GALNT16: variants seen among roughly 807,000 people sequenced by gnomAD.
GALNT16 encodes the protein polypeptide N-acetylgalactosaminyltransferase 16.
GALNT16 carries 40 observed loss-of-function variants against 76.1 expected under a neutral mutation model. The ratio of observed to expected loss-of-function variants is 0.53; its 90% CI spans 0.41 to 0.68. The LOEUF is 0.68. GALNT16 is among the 30% of genes least tolerant of loss of function. The pLI is 0.00. For missense variants in GALNT16, 621 were observed against 731.9 expected, an observed-to-expected ratio of 0.85 and a Z score of 1.75; for synonymous variants, 276 against 285.2, an observed-to-expected ratio of 0.97 and a Z score of 0.32.
downstream of GALNT16, among the ~76,000 whole-genome samples, chr14:69,360,212 G>A (rs1357872814): frequency 6.6e-6 from 1 of 151,926 alleles, no homozygotes; most frequent in African/African-American, 2.4e-5. Context: ...AATTAGCCAG[G>A]TGTGGTGGTG....
At position 69,261,575 on chromosome 14, in the gene GALNT16, T is replaced by G. The variant is rs1244471804; in HGVS notation, c.177+1108T>G. Among the ~76,000 whole-genome samples, 13 of 110,378 alleles carry G rather than the reference T, an allele frequency of 1.2e-4. No homozygotes were observed. The highest frequency in any genetic ancestry group is 1.0e-3 in the Admixed American group (10 of 9,832). 72.4% of individuals were successfully genotyped at this position (110,378 alleles called of 152,430 possible). On this transcript the variant is annotated intron_variant, in intron 1 of 14. Transcript: ENST00000448469. The surrounding 1 kb of genome is among the most constrained non-coding windows in gnomAD (Gnocchi z 6.4). ...GTGGCGATTCCGACAAGGAAAGATC[T>G]GGGCCTGGGGGTGGAGGGGTGAGGA...
the GALNT16 span, among the ~76,000 whole-genome samples, chr14:69,363,983 C>T: frequency 7.9e-5 from 12 of 152,280 alleles, no homozygotes; most frequent in Admixed American, 2.0e-4. Flanking sequence ...TGTACTTCCC[C>T]GCTTTTACCT....
rs528951825 is a variant in GALNT16 at position 69,284,322 on chromosome 14, C to T, written c.177+23855C>T. On this transcript the variant is annotated intron_variant, in intron 1 of 14. Coordinates refer to ENST00000448469, the MANE Select transcript of GALNT16 (RefSeq NM_001168368.2). ...CAGCAAGGAGAGAGAGATCAATGCA[C>T]CTGTCTCAGGAGCTGCACACAGATA... 4.1e-4 allele frequency among the ~76,000 whole-genome samples: 62 copies of T among 152,212 alleles called. 1 individual carries two copies. Among genetic ancestry groups the T allele is most frequent in the Non-Finnish European group, 8.2e-4 (56 of 68,034 alleles).
Position 69,339,551 on chromosome 14 carries a change from G to A in GALNT16, c.1119G>A (p.Val373=), listed in dbSNP as rs747263328. 1.2e-6 allele frequency: 2 copies of A among 1,612,908 alleles called. No homozygotes were observed. The highest frequency in any genetic ancestry group is 1.7e-6 in the Non-Finnish European group (2 of 1,178,848). ...GGAATACTAAGCGCACTGCAGAAGT[G>A]TGGATGGATGAATACAAGCAATACT... ...YIRNTKRTAE[V]WMDEYKQYYY... is the part of the protein sequence containing the mutation. Residue 373 remains valine, a synonymous_variant, in exon 11 of 15, where the codon GTG becomes GTA. Transcript: ENST00000448469.
At chr14:69,303,522 C>T (rs1212338880) in intron 1 of GALNT16, among the ~76,000 whole-genome samples, 1 of 152,082 alleles carries the variant, frequency 6.6e-6, no homozygotes, top group Non-Finnish European at 1.5e-5. Flanking sequence ...GCCTTACTTA[C>T]CATAAAGACA....
At chr14:69,348,613 C>T (rs1041336627) in intron 14 of GALNT16, 5 of 153,206 alleles carry the variant, frequency 3.3e-5, no homozygotes, top group African/African-American at 1.2e-4. Context: ...GATGTCCAAG[C>T]TGGCATGACC....
At chr14:69,267,232 A>G (rs2044351952) in intron 1 of GALNT16, among the ~76,000 whole-genome samples, 1 of 152,184 alleles carries the variant, frequency 6.6e-6, no homozygotes, top group African/African-American at 2.4e-5. Flanking sequence ...TTTGAACTGT[A>G]TCTGGCTAGA....
chr14:69,282,287 C>T (rs889882073), intron 1 of GALNT16, among the ~76,000 whole-genome samples: 4 of 152,142 alleles, frequency 2.6e-5, no homozygotes, highest in African/African-American at 7.2e-5. Context: ...TTCGAGTCCC[C>T]GACTTTCCTC....
the GALNT16 span, among the ~76,000 whole-genome samples, chr14:69,365,978 GATAGTA>G: frequency 6.6e-6 from 1 of 152,194 alleles, no homozygotes; most frequent in East Asian, 1.9e-4. Context: ...TTTATTCCAA[GATAGTA>G]ATAGGTGTTA....
At chr14:69,366,001 A>G in the GALNT16 span, among the ~76,000 whole-genome samples, 31,336 of 152,128 alleles carry the variant, frequency 0.21, 3,353 homozygotes, top group South Asian at 0.29. Context: ...GTTATGTACA[A>G]ATAAAACGGG....
chr14:69,355,179 A>G (rs1244768094), downstream of GALNT16: 1 of 152,132 alleles, frequency 6.6e-6, no homozygotes, highest in Admixed American at 6.6e-5. Flanking sequence ...GGACGCAACC[A>G]TTTCTGCCCT....
chr14:69,269,467 A>T (rs1490702630), intron 1 of GALNT16, among the ~76,000 whole-genome samples: 2 of 140,716 alleles, frequency 1.4e-5, no homozygotes, highest in African/African-American at 5.4e-5. Context: ...GGGTTTGTGT[A>T]TGTGTGTGTA....
At chr14:69,381,523 A>G in the GALNT16 span, among the ~76,000 whole-genome samples, 6 of 152,294 alleles carry the variant, frequency 3.9e-5, no homozygotes, top group Admixed American at 3.9e-4. Flanking sequence ...AACGAAAAGG[A>G]GTACACAGAC....
chr14:69,310,669 G>T (rs570386769), intron 1 of GALNT16, among the ~76,000 whole-genome samples: 2 of 152,288 alleles, frequency 1.3e-5, no homozygotes, highest in African/African-American at 4.8e-5. Context: ...AATATGCTAT[G>T]ATCGGAACAT....
chr14:69,302,590 G>A (rs1938349229), intron 1 of GALNT16, among the ~76,000 whole-genome samples: 1 of 152,112 alleles, frequency 6.6e-6, no homozygotes, highest in African/African-American at 2.4e-5. Flanking sequence ...AGAGATAAAA[G>A]GTGAGATGCT....
chr14:69,378,861 G>GCAGGACAGGCCAAATGAAAAA, the GALNT16 span, among the ~76,000 whole-genome samples: 1 of 152,120 alleles, frequency 6.6e-6, no homozygotes, highest in Non-Finnish European at 1.5e-5. Flanking sequence ...AACTATTTTA[G>GCAGGACAGGCCAAATGAAAAA]CAGGACAGGC....
At chr14:69,300,798 C>G (rs1438660976) in intron 1 of GALNT16, among the ~76,000 whole-genome samples, 1 of 152,108 alleles carries the variant, frequency 6.6e-6, no homozygotes, top group Non-Finnish European at 1.5e-5. Context: ...AACTCCTGTT[C>G]CTACCCCCAC....
At position 69,260,371 on chromosome 14, in the gene GALNT16, CA is replaced by C; in HGVS notation, c.83del (p.Asn28ThrfsTer33). ...LGTFYYLWQD[N>X]RAHAASSGGR... ...GCACTTTCTACTACTTATGGCAGGA[CA>C]ACCGAGCCCACGCAGCATCCTCCGG... On this transcript the variant is annotated frameshift_variant, in exon 1 of 15. Coordinates refer to ENST00000448469, the MANE Select transcript of GALNT16 (RefSeq NM_001168368.2). LOFTEE classifies it high-confidence loss of function. The C allele has an allele frequency of 6.2e-7, 1 of 1,611,582 alleles. No individual in the cohort carries two copies. Among genetic ancestry groups the C allele is most frequent in the Non-Finnish European group, 8.5e-7 (1 of 1,179,166 alleles).
intron 1 of GALNT16, among the ~76,000 whole-genome samples, chr14:69,317,308 C>T (rs1462456916): frequency 1.3e-5 from 2 of 152,208 alleles, no homozygotes; most frequent in Non-Finnish European, 2.9e-5. Context: ...GAAACAGCAT[C>T]CACTGGTCAC....
Sources: allele counts gnomAD v4.1 joint callset (sites outside exome capture counted in the v4.1 genomes callset), GRCh38; gene constraint gnomAD v4.1.1; non-coding constraint Gnocchi (gnomAD v3.1); transcripts MANE v1.5; gene names NCBI Gene and HGNC (gene_info 2026-07-23, HGNC 2026-07-21).